NCAPG2: variants seen among roughly 807,000 people sequenced by gnomAD.
The protein encoded by NCAPG2 is condensin-2 complex subunit G2.
NCAPG2 carries 53 observed loss-of-function variants against 141.1 expected under a neutral mutation model. The ratio of observed to expected loss-of-function variants is 0.38; its 90% CI spans 0.30 to 0.47. The LOEUF (loss-of-function observed/expected upper bound fraction) is 0.47, where lower values mean the gene tolerates loss of function less well. NCAPG2 is among the 20% of genes least tolerant of loss of function. The pLI, the probability that NCAPG2 is intolerant of heterozygous loss-of-function variation, is 0.99. For missense variants in NCAPG2, 1,087 were observed against 1,389.0 expected (o/e 0.78, Z 3.46); for synonymous variants, 499 against 490.7 (o/e 1.02, Z -0.22).
At position 158,644,401 on chromosome 7, in the gene NCAPG2, T is replaced by C. The variant is rs1336296334; in HGVS notation, c.3281-13A>G. ...CTTTTATGTTTACCTGGGAAAATTA[T>C]ATTAAAAGACAGAAAAGACTTTAAC... On this transcript the variant is annotated splice_polypyrimidine_tract_variant and intron_variant, in intron 26 of 27. Coordinates refer to ENST00000356309, the MANE Select transcript of NCAPG2 (RefSeq NM_017760.7). The C allele has an allele frequency of 1.3e-6, 2 of 1,599,696 alleles. No homozygotes were observed. The highest frequency in any genetic ancestry group is 1.7e-6 in the Non-Finnish European group (2 of 1,167,060).
Position 158,657,644 on chromosome 7 carries a change from G to A in NCAPG2, c.2060+694C>T, listed in dbSNP as rs927066894. 6.6e-5 allele frequency among the ~76,000 whole-genome samples: 10 copies of A among 152,240 alleles called. No homozygotes were observed. The South Asian group carries it at 1.2e-3, about 19-fold the overall frequency. On this transcript the variant is annotated intron_variant, in intron 17 of 27. Transcript: ENST00000356309. ...CCTCTGCCTGGCCACCACCCCGTCT[G>A]GGAGGTGTACTCAACAGCTCATTGA...
At chr7:158,673,473 C>T (rs1004744061) in intron 12 of NCAPG2, among the ~76,000 whole-genome samples, 2 of 152,228 alleles carry the variant, frequency 1.3e-5, no homozygotes, top group African/African-American at 4.8e-5. Flanking sequence ...AATAGTGAAT[C>T]AGCATGGGCC....
rs756052161 is a variant in NCAPG2 at position 158,655,160 on chromosome 7, GTCT to G, written c.2601_2603del (p.Glu867del). 38 of 1,613,888 alleles carry G rather than the reference GTCT, an allele frequency of 2.4e-5. No homozygotes were observed. The highest frequency in any genetic ancestry group is 5.0e-5 in the Admixed American group (3 of 59,978). ...AAATGACCCTATGAAGCTTCAGGTA[GTCT>G]TCTTCTTGATCTTGAATAAAAGATA... On this transcript the variant is annotated inframe_deletion, in exon 21 of 28. Coordinates refer to ENST00000356309, the MANE Select transcript of NCAPG2 (RefSeq NM_017760.7).
chr7:158,666,734 C>G (rs1832972848), intron 13 of NCAPG2, among the ~76,000 whole-genome samples: 1 of 151,688 alleles, frequency 6.6e-6, no homozygotes, highest in African/African-American at 2.4e-5. Context: ...TGACGCCACC[C>G]TGGGCAACAC....
At chr7:158,677,222 C>G (rs1453930311) in intron 11 of NCAPG2, among the ~76,000 whole-genome samples, 4 of 152,166 alleles carry the variant, frequency 2.6e-5, no homozygotes, top group Non-Finnish European at 4.4e-5. Context: ...AGCAATAACT[C>G]TAAGCCTCCA....
rs182048018 is a variant in NCAPG2, at chr7:158,679,033, T to A, written c.1146+927A>T. ...TTTGTTGTTGTTGTTGTTTTTAACT[T>A]TTTGTAGAGACGAGGTCTCACTATG... On this transcript the variant is annotated intron_variant, in intron 11 of 27. Coordinates refer to ENST00000356309, the MANE Select transcript of NCAPG2 (RefSeq NM_017760.7). Among the ~76,000 whole-genome samples the A allele has an allele frequency of 2.2e-3, 338 of 152,210 alleles. 1 individual carries two copies. Among genetic ancestry groups the A allele is most frequent in the Middle Eastern group, 0.017 (5 of 294 alleles).
At chr7:158,657,274 C>T (rs988033478) in intron 17 of NCAPG2, among the ~76,000 whole-genome samples, 2 of 152,178 alleles carry the variant, frequency 1.3e-5, no homozygotes, top group African/African-American at 4.8e-5. Flanking sequence ...ATCAATATTT[C>T]ACACTCTTCT....
At chr7:158,646,718 G>A (rs1311467296) in intron 24 of NCAPG2, among the ~76,000 whole-genome samples, 155 bp from the exon 25 acceptor site, 1 of 152,112 alleles carries the variant, frequency 6.6e-6, no homozygotes, top group African/African-American at 2.4e-5. Flanking sequence ...CAATAATTAT[G>A]AATAATCTAT....
chr7:158,659,326 T>A (rs1832285493), intron 16 of NCAPG2, among the ~76,000 whole-genome samples: 1 of 102,742 alleles, frequency 9.7e-6, no homozygotes, highest in Non-Finnish European at 1.8e-5. Flanking sequence ...CAAGACTCCA[T>A]CTCAAAAAAA....
chr7:158,671,653 A>T lies in NCAPG2; in HGVS notation c.1340T>A (p.Ile447Asn), dbSNP rs1833692032. The T allele has an allele frequency of 6.2e-7, 1 of 1,614,198 alleles. No homozygotes were observed. The highest frequency in any genetic ancestry group is 2.2e-5 in the East Asian group (1 of 44,882). ...TGGGTGGCTCAGTTTGTTGTCCAAA[A>T]TCATTGGCAGACACTGCAACAGAGA... is the stretch of plus-strand genomic sequence containing the variant. ...RCSVFKCLPM[I>N]LDNKLSHPLL... Residue 447 changes from isoleucine to asparagine, a missense_variant, in exon 13 of 28, where the codon ATT becomes AAT. Physicochemically the swap from Ile to Asn is moderately radical, Grantham distance 149 (BLOSUM62 -3). Coordinates refer to ENST00000356309, the MANE Select transcript of NCAPG2 (RefSeq NM_017760.7).
intron 11 of NCAPG2, among the ~76,000 whole-genome samples, chr7:158,675,922 A>T (rs1268216206): frequency 6.6e-6 from 1 of 152,174 alleles, no homozygotes; most frequent in East Asian, 1.9e-4. Flanking sequence ...ATTCAGTGAG[A>T]CCTGCACACT....
rs143316079 is a variant in NCAPG2, at chr7:158,689,492, A to C, written c.672+327T>G. 1.6e-4 allele frequency among the ~76,000 whole-genome samples: 24 copies of C among 152,370 alleles called. 1 individual carries two copies. Among genetic ancestry groups the C allele is most frequent in the African/African-American group, 5.3e-4 (22 of 41,594 alleles). ...TGACAGTTTTGAGTACATGGCAATT[A>C]AAATGGAATTAGGGCAGAAGGCCAG... On this transcript the variant is annotated intron_variant, in intron 6 of 27. Transcript: ENST00000356309.
chr7:158,639,327 C>A (rs766545370), intron 27 of NCAPG2, among the ~76,000 whole-genome samples: 1 of 152,034 alleles, frequency 6.6e-6, no homozygotes, highest in African/African-American at 2.4e-5. Flanking sequence ...AGGCTGGTTG[C>A]GAACTCCTAG....
At chr7:158,640,952 A>C (rs761251912) in intron 27 of NCAPG2, 2 of 152,212 alleles carry the variant, frequency 1.3e-5, no homozygotes, top group Non-Finnish European at 2.9e-5. Flanking sequence ...AACGAGAGGC[A>C]AGGATTAGGA....
intron 13 of NCAPG2, chr7:158,668,531 T>C: frequency 1.4e-6 from 1 of 736,060 alleles, no homozygotes; most frequent in Non-Finnish European, 1.7e-6. Context: ...CTGGAATTTA[T>C]TTCAAAATAG....
At chr7:158,687,263 A>T in intron 7 of NCAPG2, 85 bp downstream of exon 7, 1 of 842,714 alleles carries the variant, frequency 1.2e-6, no homozygotes, top group Non-Finnish European at 1.9e-6. Context: ...CTAATCCATT[A>T]CTATAACTTA....
At chr7:158,665,611 G>C (rs1374751449) in intron 13 of NCAPG2, among the ~76,000 whole-genome samples, 2 of 151,944 alleles carry the variant, frequency 1.3e-5, no homozygotes, top group Non-Finnish European at 2.9e-5. Flanking sequence ...CCAACTCTTA[G>C]AACAAAAACC....
At chr7:158,649,619 T>C (rs1475093912) in intron 24 of NCAPG2, among the ~76,000 whole-genome samples, 2 of 152,228 alleles carry the variant, frequency 1.3e-5, no homozygotes, top group Non-Finnish European at 2.9e-5. Flanking sequence ...CAAACCAAAA[T>C]GATCTCCCTT....
chr7:158,664,462 CTGTAATT>C, intron 14 of NCAPG2, 59 bp downstream of exon 14: 1 of 1,555,548 alleles, frequency 6.4e-7, no homozygotes, highest in East Asian at 2.3e-5. Flanking sequence ...ATACTGAACT[CTGTAATT>C]TGTATTATGC....
Sources: allele counts gnomAD v4.1 joint callset (sites outside exome capture counted in the v4.1 genomes callset), GRCh38; gene constraint gnomAD v4.1.1; transcripts MANE v1.5; gene names NCBI Gene and HGNC (gene_info 2026-07-23, HGNC 2026-07-21).